BIVM: variants seen among roughly 807,000 people sequenced by gnomAD.
BIVM encodes the protein basic immunoglobulin-like variable motif-containing protein.
BIVM carries 31 observed loss-of-function variants against 61.4 expected under a neutral mutation model. That is an observed-to-expected ratio of 0.51 (90% CI 0.38 to 0.68). BIVM has a LOEUF of 0.68. BIVM is among the 30% of genes least tolerant of loss of function. BIVM has a pLI of 0.00. For synonymous variants in BIVM, 189 were observed against 210.7 expected, an observed-to-expected ratio of 0.90 and a Z score of 0.89; for missense variants, 526 against 596.0, an observed-to-expected ratio of 0.88 and a Z score of 1.22.
Position 102,822,084 on chromosome 13 carries a change from GA to G in BIVM, c.827del (p.Asp276AlafsTer5), listed in dbSNP as rs1205975305. ...TLMRWFRQIN[D>X]HFHVKGCSYV... is the part of the protein sequence containing the mutation. ...TTTCAGGTGGTTTAGACAAATTAAT[GA>G]CCACTTCCATGTAAAAGGATGCTCT... On this transcript the variant is annotated frameshift_variant, in exon 7 of 11. Transcript: ENST00000257336. LOFTEE classifies it high-confidence loss of function. 6.2e-7 allele frequency: 1 copy of G among 1,613,818 alleles called. No individual in the cohort carries two copies. The highest frequency in any genetic ancestry group is 8.5e-7 in the Non-Finnish European group (1 of 1,180,004).
chr13:102,802,107 T>A (rs1878786125), intron 1 of BIVM, among the ~76,000 whole-genome samples: 1 of 152,170 alleles, frequency 6.6e-6, no homozygotes, highest in Admixed American at 6.5e-5. Context: ...TTTTCTAATA[T>A]CTCTGCACAG....
At chr13:102,837,976 T>TA (rs1194209170) in intron 9 of BIVM, among the ~76,000 whole-genome samples, 1 of 152,144 alleles carries the variant, frequency 6.6e-6, no homozygotes, top group Non-Finnish European at 1.5e-5. Flanking sequence ...ATGGGTGCAC[T>TA]AAAATCTCAG....
In BIVM at chr13:102,807,292, A is replaced by C. The variant is rs201186631; in HGVS notation, c.25A>C (p.Arg9=). The part of the protein sequence containing the change: MPNVAETE[R]SNDSGNGEHK... ...AATGCCTAACGTTGCAGAAACAGAA[A>C]GGTCAAATGATTCTGGAAATGGTGA... Residue 9 remains arginine (R), a synonymous_variant, in exon 3 of 11, where the codon AGG becomes CGG. Coordinates refer to ENST00000257336, the MANE Select transcript of BIVM (RefSeq NM_017693.4). The surrounding 1 kb of genome is among the most constrained non-coding windows in gnomAD (Gnocchi z 4.0). 2.9e-5 allele frequency: 47 copies of C among 1,607,930 alleles called. No homozygotes were observed. The African/African-American group carries it at 5.3e-4, about 18-fold the overall frequency.
intron 3 of BIVM, among the ~76,000 whole-genome samples, chr13:102,811,447 A>T (rs1389887623): frequency 6.6e-6 from 1 of 152,156 alleles, no homozygotes; most frequent in Non-Finnish European, 1.5e-5. Context: ...ATCTGTTGAT[A>T]TTCTTATTAA....
chr13:102,805,632 T>C (rs967660927), intron 2 of BIVM, among the ~76,000 whole-genome samples: 3 of 152,186 alleles, frequency 2.0e-5, no homozygotes, highest in African/African-American at 7.2e-5. Context: ...TTATAGAATA[T>C]TATCATTATT....
intron 10 of BIVM, among the ~76,000 whole-genome samples, chr13:102,839,308 G>A (rs1323870753): frequency 6.6e-6 from 1 of 152,174 alleles, no homozygotes; most frequent in African/African-American, 2.4e-5. Context: ...TTAGGCAGAT[G>A]GGGAAGTTCT....
chr13:102,829,810 G>A (rs1394558262), intron 7 of BIVM, among the ~76,000 whole-genome samples: 1 of 151,962 alleles, frequency 6.6e-6, no homozygotes, highest in Non-Finnish European at 1.5e-5. Flanking sequence ...CTGCACTCCA[G>A]CCTCGGCGAC....
intron 4 of BIVM, among the ~76,000 whole-genome samples, chr13:102,820,232 G>A (rs1388026375): frequency 6.6e-6 from 1 of 151,662 alleles, no homozygotes; most frequent in Admixed American, 6.6e-5. Flanking sequence ...CACGCCTGTC[G>A]TCCCAGCTAC....
intron 8 of BIVM, 146 bp from the exon 9 acceptor site, chr13:102,834,320 G>T (rs1370228454): frequency 8.1e-6 from 5 of 615,898 alleles, no homozygotes; most frequent in Non-Finnish European, 5.1e-6. Flanking sequence ...GTAGAAATTT[G>T]CCCTCACCTA....
At position 102,838,699 on chromosome 13, in the gene BIVM, G is replaced by A. The variant is rs750065004; in HGVS notation, c.1178G>A (p.Arg393Gln). The change falls in exon 10 of 11, where the codon CGG becomes CAG. Residue 393 changes from arginine to glutamine, a missense_variant. Around this residue, in one of 3 missense-constraint regions of BIVM, gnomAD observed 210 missense variants for 233.1 expected, o/e 0.90. Coordinates refer to ENST00000257336, the MANE Select transcript of BIVM (RefSeq NM_017693.4). The part of the protein sequence containing the change: ...NTQNPEYLDI[R>Q]HLERGLQYRK... The stretch of plus-strand genomic sequence containing the variant: ...CAAAATCCAGAATACCTGGATATCC[G>A]GCACTTAGAGAGGGGACTGCAGTAT... 7.4e-6 allele frequency: 12 copies of A among 1,613,166 alleles called. No homozygotes were observed. The highest frequency in any genetic ancestry group is 1.7e-5 in the Admixed American group (1 of 59,938).
chr13:102,807,761 T>C lies in BIVM; in HGVS notation c.478+16T>C. 1 of 1,588,778 alleles carries C rather than the reference T, an allele frequency of 6.3e-7. No homozygotes were observed. Among genetic ancestry groups the C allele is most frequent in the Non-Finnish European group, 8.6e-7 (1 of 1,168,216 alleles). On this transcript the variant is annotated intron_variant, in intron 3 of 10. Transcript: ENST00000257336. The surrounding 1 kb of genome is among the most constrained non-coding windows in gnomAD (Gnocchi z 4.0). ...CACAAATCAGGTAAGGAGGGAGCCA[T>C]GAAGTTCATATGTGAAAATAATGAG...
At position 102,840,777 on chromosome 13, in the gene BIVM, G is replaced by A. The variant is rs1377063860; in HGVS notation, c.*912G>A. ...CAGATTTTTAAAATTTCTTGATGTG[G>A]TTTGTAATAATCAAATATTGACAAG... On this transcript the variant is annotated 3_prime_UTR_variant, in exon 11 of 11. Coordinates refer to ENST00000257336, the MANE Select transcript of BIVM (RefSeq NM_017693.4). The A allele has an allele frequency of 2.0e-5, 3 of 151,804 alleles. No homozygotes were observed. Among genetic ancestry groups the A allele is most frequent in the African/African-American group, 7.3e-5 (3 of 41,326 alleles). 9.4% of individuals were successfully genotyped at this position (151,804 alleles called of 1,614,324 possible).
At chr13:102,829,565 A>G (rs1405312842) in intron 7 of BIVM, among the ~76,000 whole-genome samples, 1 of 152,124 alleles carries the variant, frequency 6.6e-6, no homozygotes, top group Non-Finnish European at 1.5e-5. Flanking sequence ...CTGGCTCGGC[A>G]CAGTGGCTCA....
chr13:102,812,911 A>G (rs958458943), intron 3 of BIVM, among the ~76,000 whole-genome samples: 1 of 152,210 alleles, frequency 6.6e-6, no homozygotes, highest in Admixed American at 6.5e-5. Context: ...TCCAATTTTC[A>G]TAGGACATGG....
chr13:102,828,767 G>A (rs1339725984), intron 7 of BIVM, among the ~76,000 whole-genome samples: 6 of 151,972 alleles, frequency 3.9e-5, no homozygotes, highest in South Asian at 2.1e-4. Context: ...AGTGGCTCAC[G>A]CCTGTAATCC....
chr13:102,834,016 A>G (rs1318061742), intron 8 of BIVM, among the ~76,000 whole-genome samples: 1 of 152,188 alleles, frequency 6.6e-6, no homozygotes, highest in Non-Finnish European at 1.5e-5. Flanking sequence ...AAAACTATAT[A>G]AATCCCCAGG....
intron 2 of BIVM, among the ~76,000 whole-genome samples, chr13:102,806,571 T>C (rs371461517): frequency 6.6e-6 from 1 of 152,116 alleles, no homozygotes; most frequent in Non-Finnish European, 1.5e-5. Flanking sequence ...TCTGTACTGA[T>C]TTTGGAGAAG....
chr13:102,840,125 A>T lies in BIVM; in HGVS notation c.*260A>T, dbSNP rs1017542505. ...TGGACAGAAAATTTCACAAAATTCA[A>T]TAAAATTACAACTGTTGTCTAAATA... On this transcript the variant is annotated 3_prime_UTR_variant, in exon 11 of 11. Transcript: ENST00000257336. 39 of 337,110 alleles carry T rather than the reference A, an allele frequency of 1.2e-4. No homozygotes were observed. The highest frequency in any genetic ancestry group is 8.4e-5 in the African/African-American group (4 of 47,356). 20.9% of individuals were successfully genotyped at this position (337,110 alleles called of 1,614,324 possible).
chr13:102,815,271 ATAATC>A (rs1164407664), intron 3 of BIVM, among the ~76,000 whole-genome samples: 1 of 152,202 alleles, frequency 6.6e-6, no homozygotes, highest in Non-Finnish European at 1.5e-5. Flanking sequence ...ATATATGTAT[ATAATC>A]TATTTTATAA....
Sources: allele counts gnomAD v4.1 joint callset (sites outside exome capture counted in the v4.1 genomes callset), GRCh38; gene constraint gnomAD v4.1.1; regional missense constraint gnomAD v4.1.1; non-coding constraint Gnocchi (gnomAD v3.1); transcripts MANE v1.5; gene names NCBI Gene and HGNC (gene_info 2026-07-23, HGNC 2026-07-21).